SLC2A5: variants seen among roughly 807,000 people sequenced by gnomAD.
SLC2A5 encodes solute carrier family 2, facilitated glucose transporter member 5.
In SLC2A5, 56 loss-of-function variants were observed where a neutral mutation model predicts 50.3. That is an observed-to-expected ratio of 1.11 (90% CI 0.90 to 1.39). The LOEUF (loss-of-function observed/expected upper bound fraction) is 1.39. Ranked by LOEUF, SLC2A5 falls within the 40% of genes most tolerant of loss-of-function variation. The pLI is 0.00. For missense variants in SLC2A5, 566 were observed against 650.1 expected, an observed-to-expected ratio of 0.87 and a Z score of 1.41; for synonymous variants, 269 against 281.9, an observed-to-expected ratio of 0.95 and a Z score of 0.46.
intron 2 of SLC2A5, among the ~76,000 whole-genome samples, chr1:9,083,417 G>A (rs1642373033): frequency 1.3e-5 from 2 of 152,238 alleles, no homozygotes; most frequent in South Asian, 2.1e-4. Flanking sequence ...AGCTGCAGAA[G>A]TAGGGGCCCT....
intron 3 of SLC2A5, among the ~76,000 whole-genome samples, chr1:9,057,243 G>A (rs377681755): frequency 3.5e-5 from 5 of 144,822 alleles, no homozygotes; most frequent in South Asian, 2.1e-4. Flanking sequence ...CCAAGATCGC[G>A]CCACTGCATT....
chr1:9,047,701 A>G lies in SLC2A5; in HGVS notation c.327T>C (p.Ser109=), dbSNP rs777024648. The change falls in exon 4 of 12, where the codon TCT becomes TCC. Residue 109 remains serine (S), a synonymous_variant. Transcript: ENST00000377424. The part of the protein sequence containing the change: ...KGALLFNNIF[S]IVPAILMGCS... ...ATCCCATTAAGATCGCAGGCACGAT[A>G]GAAAATATGTTGTTGAACAGCAAGG... 1.2e-6 allele frequency: 2 copies of G among 1,614,112 alleles called. No homozygotes were observed. The highest frequency in any genetic ancestry group is 1.7e-5 in the Admixed American group (1 of 60,016).
At chr1:9,047,991 T>A (rs1641478970) in intron 3 of SLC2A5, among the ~76,000 whole-genome samples, 1 of 152,182 alleles carries the variant, frequency 6.6e-6, no homozygotes, top group Non-Finnish European at 1.5e-5. Flanking sequence ...GGGCTCTGTA[T>A]TAAGATATAG....
intron 2 of SLC2A5, among the ~76,000 whole-genome samples, 165 bp from the exon 3 acceptor site, chr1:9,057,773 G>T (rs1183722374): frequency 1.3e-5 from 2 of 152,028 alleles, no homozygotes; most frequent in Non-Finnish European, 2.9e-5. Context: ...CAGTGAGAAG[G>T]GTGGGCACCC....
intron 3 of SLC2A5, among the ~76,000 whole-genome samples, chr1:9,053,164 T>TTATATGTTAA: frequency 1.0e-5 from 1 of 98,148 alleles, no homozygotes; most frequent in African/African-American, 4.1e-5. Flanking sequence ...TTTTATATAT[T>TTATATGTTAA]TATATATTTT....
upstream of SLC2A5, among the ~76,000 whole-genome samples, chr1:9,091,483 A>G (rs1351964138): frequency 6.6e-6 from 1 of 152,136 alleles, no homozygotes; most frequent in African/African-American, 2.4e-5. Flanking sequence ...GAACCTCTTC[A>G]AGTATTTCCT....
At chr1:9,090,554 C>T (rs190929229), upstream of SLC2A5, among the ~76,000 whole-genome samples, 20 of 152,334 alleles carry the variant, frequency 1.3e-4, no homozygotes, top group South Asian at 2.1e-4. Flanking sequence ...AAATCAACTC[C>T]GCTTTTGTTC....
In SLC2A5 at chr1:9,039,407, G is replaced by T. The variant is rs114139021; in HGVS notation, c.996+145C>A. 6.8e-3 allele frequency: 4,153 copies of T among 614,542 alleles called. 67 individuals carry two copies. Among genetic ancestry groups the T allele is most frequent in the East Asian group, 0.043 (1,343 of 31,116 alleles). The allele number at this position is 614,542 out of a possible 1,614,324, so 38.1% of individuals were successfully genotyped here. A position where few individuals can be genotyped will look rare whatever the true frequency, so the allele number is the denominator to read the frequency against. On this transcript the variant is annotated intron_variant, in intron 8 of 11. Transcript: ENST00000377424. The stretch of plus-strand genomic sequence containing the variant: ...CCCAAGTGTGAGGGGCTGGTGCGGG[G>T]CCACCTCCCACACAGAGTTTCTGTA...
intron 1 of SLC2A5, among the ~76,000 whole-genome samples, chr1:9,060,007 CACACACT>C (rs1641870974): frequency 7.2e-6 from 1 of 139,022 alleles, no homozygotes; most frequent in African/African-American, 3.0e-5. Flanking sequence ...CACACACACA[CACACACT>C]ACACACACAC....
At chr1:9,038,684 G>A (rs1641208151) in intron 9 of SLC2A5, 144 bp downstream of exon 9, 2 of 1,333,548 alleles carry the variant, frequency 1.5e-6, no homozygotes, top group East Asian at 2.5e-5. Context: ...AGGACACACG[G>A]TCCCCAGATG....
At position 9,039,865 on chromosome 1, in the gene SLC2A5, G is replaced by A. The variant is rs767578985; in HGVS notation, c.820C>T (p.Leu274=). The A allele has an allele frequency of 2.5e-6, 4 of 1,612,098 alleles. No individual in the cohort carries two copies. The highest frequency in any genetic ancestry group is 1.7e-6 in the Non-Finnish European group (2 of 1,179,580). The change falls in exon 7 of 12, where the codon CTG becomes TTG. Residue 274 remains leucine (L), a synonymous_variant. Coordinates refer to ENST00000377424, the MANE Select transcript of SLC2A5 (RefSeq NM_003039.3). ...SVLKLFRMRS[L]RWQLLSIIVL... is the part of the protein sequence containing the mutation. ...ATGATGGACAGCAGCTGCCAGCGCA[G>A]CGAGCGCATCCGGAACAGCTTCAGC...
At chr1:9,092,005 G>A (rs927374301), upstream of SLC2A5, among the ~76,000 whole-genome samples, 1 of 152,138 alleles carries the variant, frequency 6.6e-6, no homozygotes, top group African/African-American at 2.4e-5. Context: ...AATTTGGAGT[G>A]AGTGGGGCTA....
At chr1:9,062,182 A>G (rs1641960830) in intron 1 of SLC2A5, among the ~76,000 whole-genome samples, 1 of 152,198 alleles carries the variant, frequency 6.6e-6, no homozygotes, top group South Asian at 2.1e-4. Context: ...TCGGGTAAGC[A>G]AGACAGCTGC....
chr1:9,088,959 C>G (rs1414325022), upstream of SLC2A5, among the ~76,000 whole-genome samples: 6 of 152,218 alleles, frequency 3.9e-5, no homozygotes, highest in East Asian at 1.2e-3. Context: ...GAAAACTCCT[C>G]TCATTATCGC....
intron 2 of SLC2A5, among the ~76,000 whole-genome samples, chr1:9,077,509 G>A (rs1642300369): frequency 6.6e-6 from 1 of 151,538 alleles, no homozygotes; most frequent in African/African-American, 2.4e-5. Flanking sequence ...GGGAGGCTGA[G>A]GCAGGTGGAT....
chr1:9,044,536 G>C (rs986611175), intron 4 of SLC2A5, among the ~76,000 whole-genome samples: 2 of 152,086 alleles, frequency 1.3e-5, no homozygotes, highest in Middle Eastern at 3.4e-3. Context: ...TCATATGGGT[G>C]GTTTTATTTT....
intron 1 of SLC2A5, among the ~76,000 whole-genome samples, chr1:9,086,387 C>CT (rs34593630): frequency 0.097 from 13,625 of 140,486 alleles, 1,534 homozygotes; most frequent in African/African-American, 0.27. Flanking sequence ...TTTTCTCTCT[C>CT]TTTTTTTTTT....
upstream of SLC2A5, among the ~76,000 whole-genome samples, chr1:9,090,878 C>T (rs1642456423): frequency 6.6e-6 from 1 of 152,178 alleles, no homozygotes; most frequent in Non-Finnish European, 1.5e-5. Flanking sequence ...CCTTTGCAGC[C>T]ATTCCCTAAA....
In SLC2A5 at chr1:9,035,844, T is replaced by C. The variant is rs1641124217; in HGVS notation, c.*1742A>G. 1 of 152,152 alleles carries C rather than the reference T, an allele frequency of 6.6e-6. No individual in the cohort carries two copies. The highest frequency in any genetic ancestry group is 2.4e-5 in the African/African-American group (1 of 41,392). 9.4% of individuals were successfully genotyped at this position (152,152 alleles called of 1,614,324 possible). On this transcript the variant is annotated 3_prime_UTR_variant, in exon 12 of 12. Coordinates refer to ENST00000377424, the MANE Select transcript of SLC2A5 (RefSeq NM_003039.3). ...ATCATGCCAGAAAGCAAAAGGCACG[T>C]CTTACCTGGTGGCAGGCAAGAGAGA...
Sources: gnomAD v4.1 joint callset for allele counts (sites outside exome capture counted in the v4.1 genomes callset) on GRCh38, gnomAD v4.1.1 for gene constraint, MANE v1.5 for transcripts, NCBI Gene and HGNC (gene_info 2026-07-23, HGNC 2026-07-21) for gene names.